The following MED15 variants were observed in gnomAD, a reference collection of about 807,000 sequenced individuals.
The protein encoded by MED15 is mediator complex subunit 15, also known as mediator of RNA polymerase II transcription subunit 15.
MED15 carries 41 observed loss-of-function variants against 118.7 expected under a neutral mutation model. The observed-to-expected ratio is 0.35, with a 90% CI of 0.27 to 0.45. The LOEUF (loss-of-function observed/expected upper bound fraction) is 0.45. Among genes scored for constraint, MED15 ranks in the 20% least tolerant of loss-of-function variants. MED15 has a pLI of 1.00. For missense variants in MED15, 740 were observed against 1,025.5 expected, an observed-to-expected ratio of 0.72 and a Z score of 3.80; for synonymous variants, 436 against 413.9, an observed-to-expected ratio of 1.05 and a Z score of -0.65.
chr22:20,545,201 C>T (rs2055478216), intron 2 of MED15, among the ~76,000 whole-genome samples: 1 of 151,984 alleles, frequency 6.6e-6, no homozygotes, highest in African/African-American at 2.4e-5. Flanking sequence ...AAAATTAGGC[C>T]AGGCACGGTG....
At chr22:20,582,787 G>C in intron 10 of MED15, 40 bp downstream of exon 10, 2 of 1,593,102 alleles carry the variant, frequency 1.3e-6, no homozygotes, top group South Asian at 1.1e-5. Flanking sequence ...CCTGGCCCTC[G>C]AGGCTGGCCC....
chr22:20,575,275 G>C (rs762618341), intron 9 of MED15, 43 bp downstream of exon 9: 3 of 1,603,774 alleles, frequency 1.9e-6, no homozygotes, highest in Non-Finnish European at 2.5e-6. Flanking sequence ...GGAGCTCGGG[G>C]CGTCCTCTGA....
At chr22:20,570,393 CTTTT>C (rs362206) in intron 8 of MED15, among the ~76,000 whole-genome samples, 6 of 135,402 alleles carry the variant, frequency 4.4e-5, no homozygotes, top group African/African-American at 5.5e-5. Flanking sequence ...TTCTTTCTGT[CTTTT>C]TTTTTTTTTT....
chr22:20,579,130 G>A (rs1380672263), intron 9 of MED15, among the ~76,000 whole-genome samples: 1 of 152,226 alleles, frequency 6.6e-6, no homozygotes, highest in Non-Finnish European at 1.5e-5. Flanking sequence ...GACTAGAGAG[G>A]CACTGTTGCC....
intron 7 of MED15, 38 bp downstream of exon 7, chr22:20,566,855 C>G: frequency 2.5e-6 from 4 of 1,600,538 alleles, no homozygotes; most frequent in Non-Finnish European, 3.4e-6. Context: ...ACATGCAGCC[C>G]GTGGCTCTGT....
At chr22:20,521,349 G>T (rs1000273188) in intron 1 of MED15, among the ~76,000 whole-genome samples, 5 of 150,862 alleles carry the variant, frequency 3.3e-5, no homozygotes, top group Non-Finnish European at 7.4e-5. Flanking sequence ...CACCCACCTC[G>T]GCCTCCCAAA....
Position 20,585,483 on chromosome 22 carries a change from A to G in MED15, c.2131+216A>G, listed in dbSNP as rs1268265270. On this transcript the variant is annotated intron_variant, in intron 16 of 17. Coordinates refer to ENST00000263205, the MANE Select transcript of MED15 (RefSeq NM_001003891.3). ...GAGCCCGCACACTCTCACCTCCCCA[A>G]CACAGATGTGGCTTTGCTTGCCTGG... 6.8e-6 allele frequency: 5 copies of G among 733,318 alleles called. No individual in the cohort carries two copies. In the Admixed American group the frequency reaches 8.4e-5, roughly 12 times the overall value. 45.4% of individuals were successfully genotyped at this position (733,318 alleles called of 1,614,324 possible).
chr22:20,577,632 A>G (rs1022582597), intron 9 of MED15, among the ~76,000 whole-genome samples: 2 of 152,068 alleles, frequency 1.3e-5, no homozygotes, highest in South Asian at 4.2e-4. Flanking sequence ...AATGCCATGG[A>G]GAATTCTGGT....
intron 5 of MED15, among the ~76,000 whole-genome samples, chr22:20,559,142 C>G (rs902471493): frequency 6.6e-6 from 1 of 151,674 alleles, no homozygotes; most frequent in African/African-American, 2.4e-5. Flanking sequence ...GGGGATAGAA[C>G]GAGACACCAT....
intron 1 of MED15, among the ~76,000 whole-genome samples, chr22:20,531,644 C>T (rs1180290693): frequency 6.6e-6 from 1 of 152,242 alleles, no homozygotes; most frequent in Non-Finnish European, 1.5e-5. Flanking sequence ...CCGTTCTGCA[C>T]GTCGTGTCCC....
intron 1 of MED15, among the ~76,000 whole-genome samples, chr22:20,524,876 G>C (rs1436347447): frequency 6.6e-6 from 1 of 151,944 alleles, no homozygotes; most frequent in Non-Finnish European, 1.5e-5. Flanking sequence ...GCCTCCCAAA[G>C]TCCTGGGATT....
intron 17 of MED15, among the ~76,000 whole-genome samples, 166 bp from the exon 18 acceptor site, chr22:20,586,402 T>C (rs1426270244): frequency 6.6e-6 from 1 of 152,218 alleles, no homozygotes; most frequent in African/African-American, 2.4e-5. Context: ...TCACTGACGA[T>C]GAGGCTCTGG....
chr22:20,536,640 G>A (rs1013127119), intron 1 of MED15, among the ~76,000 whole-genome samples: 2 of 152,212 alleles, frequency 1.3e-5, no homozygotes, highest in African/African-American at 4.8e-5. Flanking sequence ...TGCCTTGGGA[G>A]GGACTGAGAG....
chr22:20,552,609 G>C (rs1482001628), intron 3 of MED15: 1 of 413,196 alleles, frequency 2.4e-6, no homozygotes, highest in Non-Finnish European at 4.9e-6. Context: ...CGAGCAGGAG[G>C]CTCAGGGCCC....
At position 20,575,162 on chromosome 22, in the gene MED15, T is replaced by A. The variant is rs2056785656; in HGVS notation, c.1202T>A (p.Phe401Tyr). ...AQGGMHIRAR[F>Y]PPTTAVSAIP... ...GGTGGGATGCACATAAGAGCCCGGT[T>A]CCCGCCTACCACCGCTGTGTCCGCC... The change falls in exon 9 of 18, where the codon TTC (phenylalanine) becomes TAC (tyrosine). Residue 401 changes from phenylalanine to tyrosine, a missense_variant. Phe to Tyr is a conservative substitution (Grantham distance 22). Coordinates refer to ENST00000263205, the MANE Select transcript of MED15 (RefSeq NM_001003891.3). 1 of 1,614,164 alleles carries A rather than the reference T, an allele frequency of 6.2e-7. No homozygotes were observed.
Position 20,560,421 on chromosome 22 carries a change from C to T in MED15, c.452-4029C>T, listed in dbSNP as rs1012050575. Among the ~76,000 whole-genome samples the T allele has an allele frequency of 7.9e-5, 12 of 152,252 alleles. No homozygotes were observed. In the East Asian group the frequency reaches 1.4e-3, roughly 17 times the overall value. On this transcript the variant is annotated intron_variant, in intron 5 of 17. Coordinates refer to ENST00000263205, the MANE Select transcript of MED15 (RefSeq NM_001003891.3). ...CTGGGACTACAGGCGCGCGCCACTA[C>T]GCCCAGCTAATTTTTGTATCTTTAG...
intron 1 of MED15, among the ~76,000 whole-genome samples, chr22:20,536,667 C>T (rs2055092583): frequency 6.6e-6 from 1 of 152,080 alleles, no homozygotes. Context: ...TCATGTGGCC[C>T]CTTCATTTTA....
At chr22:20,508,284 C>A in intron 1 of MED15, 1 of 1,299,142 alleles carries the variant, frequency 7.7e-7, no homozygotes, top group Non-Finnish European at 1.0e-6. Flanking sequence ...TGGCAGGAAG[C>A]CGCTGTCAGG....
chr22:20,569,641 G>A (rs1411874165), intron 8 of MED15, among the ~76,000 whole-genome samples: 3 of 151,080 alleles, frequency 2.0e-5, no homozygotes, highest in African/African-American at 7.3e-5. Flanking sequence ...TGCCTGAGGA[G>A]GGAATCTGAG....
Sources: gnomAD v4.1 joint callset for allele counts (sites outside exome capture counted in the v4.1 genomes callset) on GRCh38, gnomAD v4.1.1 for gene constraint, MANE v1.5 for transcripts, NCBI Gene and HGNC (gene_info 2026-07-23, HGNC 2026-07-21) for gene names.